The following CRBN variants were observed in gnomAD, a reference collection of about 807,000 sequenced individuals.
The protein encoded by CRBN is cereblon, also known as protein cereblon.
Under a neutral mutation model 62.2 loss-of-function variants are expected in CRBN, and 53 were observed. The observed-to-expected ratio is 0.85, with a 90% CI of 0.68 to 1.07. CRBN has a LOEUF of 1.07. Ranked by LOEUF, CRBN falls within the 50% of genes least tolerant of loss-of-function variation. CRBN has a pLI of 0.00. For missense variants in CRBN, 616 were observed against 531.1 expected (o/e 1.16, Z -1.57); for synonymous variants, 208 against 176.1 (o/e 1.18, Z -1.43).
intron 4 of CRBN, 61 bp downstream of exon 4, chr3:3,172,715 A>C: frequency 3.9e-6 from 6 of 1,521,022 alleles, no homozygotes; most frequent in Non-Finnish European, 5.5e-6. Flanking sequence ...CAGAAAAAGT[A>C]CAAGAAAACT....
At chr3:3,159,621 A>G (rs548501810) in intron 5 of CRBN, among the ~76,000 whole-genome samples, 2 of 152,334 alleles carry the variant, frequency 1.3e-5, no homozygotes, top group South Asian at 4.1e-4. Context: ...AGTTTCAGGT[A>G]GCTTCTTTTC....
chr3:3,179,186 A>G (rs2126072298), intron 1 of CRBN, among the ~76,000 whole-genome samples: 1 of 152,318 alleles, frequency 6.6e-6, no homozygotes, highest in South Asian at 2.1e-4. Context: ...AAAAGGCGAC[A>G]TGCATGCAAA....
intron 7 of CRBN, 97 bp from the exon 8 acceptor site, chr3:3,154,172 C>A (rs1706771216): frequency 2.7e-6 from 2 of 753,900 alleles, no homozygotes; most frequent in Non-Finnish European, 4.8e-6. Flanking sequence ...AAACCCTTCT[C>A]TTTAAGGTTA....
chr3:3,153,383 C>T, intron 9 of CRBN, 41 bp downstream of exon 9: 1 of 1,101,336 alleles, frequency 9.1e-7, no homozygotes, highest in Middle Eastern at 2.0e-4. Context: ...CATTATAATT[C>T]TGATAAGGCA....
intron 10 of CRBN, among the ~76,000 whole-genome samples, chr3:3,151,456 T>G (rs1219321466): frequency 6.6e-6 from 1 of 152,014 alleles, no homozygotes; most frequent in Non-Finnish European, 1.5e-5. Flanking sequence ...CTGTCTGAGT[T>G]AAACTGGATG....
chr3:3,150,715 C>G lies in CRBN; in HGVS notation c.*150G>C. The G allele has an allele frequency of 1.3e-6, 1 of 756,578 alleles. No individual in the cohort carries two copies. The highest frequency in any genetic ancestry group is 2.1e-6 in the Non-Finnish European group (1 of 476,174). The allele number at this position is 756,578 out of a possible 1,614,324, so 46.9% of individuals were successfully genotyped here. ...TACTTAAAAGTTTCAAATACAGTTTCACTTAGAAACTGCAACCCTCCAAGT... is the reference window on the plus strand; with the variant it reads ...TACTTAAAAGTTTCAAATACAGTTTGACTTAGAAACTGCAACCCTCCAAGT... On this transcript the variant is annotated 3_prime_UTR_variant, in exon 11 of 11. Coordinates refer to ENST00000231948, the MANE Select transcript of CRBN (RefSeq NM_016302.4).
At chr3:3,156,985 T>A (rs542014469) in intron 5 of CRBN, among the ~76,000 whole-genome samples, 1 of 152,338 alleles carries the variant, frequency 6.6e-6, no homozygotes, top group South Asian at 2.1e-4. Flanking sequence ...AATTTCAGTA[T>A]TTGAGGGGGA....
intron 4 of CRBN, among the ~76,000 whole-genome samples, chr3:3,169,215 T>C (rs1409024700): frequency 6.6e-6 from 1 of 152,218 alleles, no homozygotes; most frequent in Non-Finnish European, 1.5e-5. Context: ...AGGAATGCTC[T>C]CCTTTACCTG....
At chr3:3,165,186 T>A (rs1235270332) in intron 5 of CRBN, among the ~76,000 whole-genome samples, 1 of 152,212 alleles carries the variant, frequency 6.6e-6, no homozygotes, top group Non-Finnish European at 1.5e-5. Flanking sequence ...TTCTTATGGA[T>A]GAGCAAATAA....
intron 2 of CRBN, among the ~76,000 whole-genome samples, chr3:3,174,531 A>C (rs1483371369): frequency 6.6e-6 from 1 of 151,922 alleles, no homozygotes; most frequent in Non-Finnish European, 1.5e-5. Flanking sequence ...ATCCCAGCTA[A>C]TCGGGAGGCT....
At chr3:3,165,395 G>C (rs1707290757) in intron 5 of CRBN, among the ~76,000 whole-genome samples, 1 of 152,112 alleles carries the variant, frequency 6.6e-6, no homozygotes, top group Non-Finnish European at 1.5e-5. Context: ...TTTGTGAAAG[G>C]AAGAGTCAAT....
At chr3:3,151,384 T>G (rs1706537458) in intron 10 of CRBN, among the ~76,000 whole-genome samples, 1 of 152,216 alleles carries the variant, frequency 6.6e-6, no homozygotes, top group Non-Finnish European at 1.5e-5. Flanking sequence ...TGTACTGGCT[T>G]TTCCTTTGTT....
At chr3:3,163,605 T>C (rs1444523352) in intron 5 of CRBN, among the ~76,000 whole-genome samples, 1 of 152,108 alleles carries the variant, frequency 6.6e-6, no homozygotes, top group Non-Finnish European at 1.5e-5. Context: ...TGCAGGATCC[T>C]ACAGGCAGGT....
At chr3:3,168,762 T>G (rs1158395281) in intron 4 of CRBN, among the ~76,000 whole-genome samples, 1 of 152,144 alleles carries the variant, frequency 6.6e-6, no homozygotes, top group Non-Finnish European at 1.5e-5. Flanking sequence ...TGTTAGAAAG[T>G]ATCTAAGTTT....
At chr3:3,154,156 T>C in intron 7 of CRBN, 81 bp from the exon 8 acceptor site, 1 of 814,494 alleles carries the variant, frequency 1.2e-6, no homozygotes, top group Non-Finnish European at 2.2e-6. Flanking sequence ...AATATCCTTT[T>C]GAAATAAACC....
intron 4 of CRBN, among the ~76,000 whole-genome samples, chr3:3,170,558 C>G (rs1707565981): frequency 6.6e-6 from 1 of 152,134 alleles, no homozygotes; most frequent in African/African-American, 2.4e-5. Flanking sequence ...TCTCTAGTAC[C>G]TGGCATTCTG....
chr3:3,157,241 A>G (rs1017841330), intron 5 of CRBN, among the ~76,000 whole-genome samples: 9 of 152,244 alleles, frequency 5.9e-5, no homozygotes, highest in African/African-American at 1.9e-4. Context: ...AGAGTGAAAT[A>G]CATTAGAATA....
At chr3:3,174,348 A>T in intron 2 of CRBN, 87 bp from the exon 3 acceptor site, 1 of 1,088,992 alleles carries the variant, frequency 9.2e-7, no homozygotes, top group Non-Finnish European at 1.4e-6. Context: ...AATCACATTA[A>T]AAGAAATACA....
chr3:3,150,110 T>C lies in CRBN; in HGVS notation c.*755A>G, dbSNP rs544699708. 6.6e-6 allele frequency: 1 copy of C among 152,276 alleles called. No individual in the cohort carries two copies. The highest frequency in any genetic ancestry group is 2.1e-4 in the South Asian group (1 of 4,834). The allele number at this position is 152,276 out of a possible 1,614,324, so 9.4% of individuals were successfully genotyped here. ...AGTTTAGTCTGGGTGAGGGGACATG[T>C]TTTGGCATCTTTTCCCTATAGTAGT... is the stretch of plus-strand genomic sequence containing the variant. On this transcript the variant is annotated 3_prime_UTR_variant, in exon 11 of 11. Coordinates refer to ENST00000231948, the MANE Select transcript of CRBN (RefSeq NM_016302.4).
Sources: gnomAD v4.1 joint callset for allele counts (sites outside exome capture counted in the v4.1 genomes callset) on GRCh38, gnomAD v4.1.1 for gene constraint, MANE v1.5 for transcripts, NCBI Gene and HGNC (gene_info 2026-07-23, HGNC 2026-07-21) for gene names.